Variants in POFUT2 observed in about 807,000 individuals in gnomAD.
POFUT2 encodes GDP-fucose protein O-fucosyltransferase 2.
POFUT2 carries 30 observed loss-of-function variants against 55.0 expected under a neutral mutation model. The observed-to-expected ratio is 0.55, with a 90% confidence interval of 0.41 to 0.74. POFUT2 has a LOEUF of 0.74. POFUT2 is among the 30% of genes least tolerant of loss of function. The pLI is 0.00. For synonymous variants in POFUT2, 267 were observed against 231.1 expected (o/e 1.16, Z -1.41); for missense variants, 524 against 562.6 (o/e 0.93, Z 0.69).
At chr21:45,287,676 C>A in intron 1 of POFUT2, 65 bp downstream of exon 1, 2 of 1,181,532 alleles carry the variant, frequency 1.7e-6, no homozygotes, top group Non-Finnish European at 2.2e-6. Flanking sequence ...GCCCCGCCCC[C>A]ATCCCATCCT....
chr21:45,280,949 A>T (rs1453162574), intron 4 of POFUT2, among the ~76,000 whole-genome samples: 2 of 152,234 alleles, frequency 1.3e-5, no homozygotes, highest in African/African-American at 4.8e-5. Context: ...TTTTAAAGTA[A>T]CTGGCTTTAC....
chr21:45,286,774 C>T (rs1367553833), intron 1 of POFUT2, among the ~76,000 whole-genome samples: 1 of 152,260 alleles, frequency 6.6e-6, no homozygotes, highest in Non-Finnish European at 1.5e-5. Flanking sequence ...TCCATACTCC[C>T]ATCGTCGCGA....
Position 45,265,361 on chromosome 21 carries a change from C to A in POFUT2, c.*121G>T. ...GTGGGGCCTCTTCTGGGCCTGGGACCCTGCGAGGGACGGTCCTGTCCGCCC... is the reference window on the plus strand; with the variant it reads ...GTGGGGCCTCTTCTGGGCCTGGGACACTGCGAGGGACGGTCCTGTCCGCCC... On this transcript the variant is annotated 3_prime_UTR_variant, in exon 9 of 9. Coordinates refer to ENST00000349485, the MANE Select transcript of POFUT2 (RefSeq NM_133635.6). The surrounding 1 kb of genome is among the most constrained non-coding windows in gnomAD (Gnocchi z 4.6). 1 of 878,204 alleles carries A rather than the reference C, an allele frequency of 1.1e-6. No individual in the cohort carries two copies. The highest frequency in any genetic ancestry group is 1.7e-6 in the Non-Finnish European group (1 of 575,692). 54.4% of individuals were successfully genotyped at this position (878,204 alleles called of 1,614,324 possible).
rs2029905230 is a variant in POFUT2 at position 45,277,272 on chromosome 21, G to A, written c.706-130C>T. 4.8e-6 allele frequency: 6 copies of A among 1,245,872 alleles called. No homozygotes were observed. Among genetic ancestry groups the A allele is most frequent in the Non-Finnish European group, 6.6e-6 (6 of 912,632 alleles). 77.2% of individuals were successfully genotyped at this position (1,245,872 alleles called of 1,614,324 possible). A position where few individuals can be genotyped will look rare whatever the true frequency, so the allele number is the denominator to read the frequency against. On this transcript the variant is annotated intron_variant, in intron 5 of 8. Coordinates refer to ENST00000349485, the MANE Select transcript of POFUT2 (RefSeq NM_133635.6). This position sits in a 1 kb window ranked among gnomAD's most constrained non-coding sequence, Gnocchi z 6.9. ...CAAGCCCCTCAGACACGTCATCCAC[G>A]GTCGCCTGAGAAGCAGCGCCATCCA...
Position 45,283,579 on chromosome 21 carries a change from TTAC to T in POFUT2, c.383-55_383-53del, listed in dbSNP as rs775841505. 2.5e-6 allele frequency: 4 copies of T among 1,593,346 alleles called. No homozygotes were observed. In the South Asian group the frequency reaches 3.3e-5, roughly 13 times the overall value. ...AGTGTGACAGCGATCAGAAGCTCAC[TTAC>T]GGGCATGCATCAGTCACCAGCAGCT... On this transcript the variant is annotated intron_variant, in intron 2 of 8. Transcript: ENST00000349485.
In POFUT2 at chr21:45,281,487, C is replaced by T; in HGVS notation, c.638+862G>A. On this transcript the variant is annotated intron_variant, in intron 4 of 8. Coordinates refer to ENST00000349485, the MANE Select transcript of POFUT2 (RefSeq NM_133635.6). The surrounding 1 kb of genome is among the most constrained non-coding windows in gnomAD (Gnocchi z 5.0). ...GGCCTGTGATGGAGCCACCTGCCTT[C>T]ACAAAGGCCCAGAGCAGCTGAGACC... 6.6e-6 allele frequency among the ~76,000 whole-genome samples: 1 copy of T among 152,172 alleles called. No homozygotes were observed. The highest frequency in any genetic ancestry group is 1.5e-5 in the Non-Finnish European group (1 of 68,028).
rs1015002743 is a variant in POFUT2, at chr21:45,277,817, G to A, written c.705+286C>T. 4.2e-5 allele frequency: 21 copies of A among 494,294 alleles called. No individual in the cohort carries two copies. The highest frequency in any genetic ancestry group is 1.7e-4 in the Admixed American group (5 of 28,674). The allele number at this position is 494,294 out of a possible 1,614,324, so 30.6% of individuals were successfully genotyped here. A position where few individuals can be genotyped will look rare whatever the true frequency, so the allele number is the denominator to read the frequency against. On this transcript the variant is annotated intron_variant, in intron 5 of 8. Coordinates refer to ENST00000349485, the MANE Select transcript of POFUT2 (RefSeq NM_133635.6). The surrounding 1 kb of genome is among the most constrained non-coding windows in gnomAD (Gnocchi z 6.9). ...AGGGGTCTACGTTCCAGCCACTGAC[G>A]GAGTCACTGACTCCGGGGCTGACTC...
intron 7 of POFUT2, among the ~76,000 whole-genome samples, chr21:45,268,141 G>C (rs938725636): frequency 1.7e-4 from 26 of 152,222 alleles, no homozygotes; most frequent in Admixed American, 1.4e-3. Flanking sequence ...TTGCAGGCAC[G>C]CGCCACCACG....
rs2031009083 is a variant in POFUT2 at position 45,283,460 on chromosome 21, C to A, written c.450G>T (p.Gly150=). Residue 150 remains glycine, a synonymous_variant, in exon 3 of 9, where the codon GGG becomes GGT. Coordinates refer to ENST00000349485, the MANE Select transcript of POFUT2 (RefSeq NM_133635.6). ...GCTCGTCCACCTTCTCTTCCCAGGT[C>A]CCTTCTTTCCACCCCTCTGCGTAAC... ...LQSYAEGWKE[G]TWEEKVDERP... 1 of 1,613,802 alleles carries A rather than the reference C, an allele frequency of 6.2e-7. No homozygotes were observed. Among genetic ancestry groups the A allele is most frequent in the Admixed American group, 1.7e-5 (1 of 59,986 alleles).
chr21:45,266,181 C>T (rs369518397), intron 8 of POFUT2: 17 of 1,367,322 alleles, frequency 1.2e-5, no homozygotes, highest in East Asian at 9.1e-5. Context: ...CCCGTTCCTC[C>T]GGCTCCTGCG....
chr21:45,270,658 G>T lies in POFUT2; in HGVS notation c.832-639C>A, dbSNP rs372184484. 2.0e-5 allele frequency among the ~76,000 whole-genome samples: 3 copies of T among 152,096 alleles called. No individual in the cohort carries two copies. Among genetic ancestry groups the T allele is most frequent in the Non-Finnish European group, 4.4e-5 (3 of 68,016 alleles). On this transcript the variant is annotated intron_variant, in intron 6 of 8. Transcript: ENST00000349485. This position sits in a 1 kb window ranked among gnomAD's most constrained non-coding sequence, Gnocchi z 4.6. Reference sequence around the variant, plus strand: ...CCCCCAGAGTCCACTTCACTCCCCCGCCACCTCCAGCAGAGCAGGTGCTGG... The same window carrying T: ...CCCCCAGAGTCCACTTCACTCCCCCTCCACCTCCAGCAGAGCAGGTGCTGG...
Position 45,285,470 on chromosome 21 carries a change from A to G in POFUT2, c.382+208T>C. On this transcript the variant is annotated intron_variant, in intron 2 of 8. Transcript: ENST00000349485. This position sits in a 1 kb window ranked among gnomAD's most constrained non-coding sequence, Gnocchi z 4.9. ...CACTTCAGGTCCATTTCCGAGAAAC[A>G]TTTTGGGAAGCTCACTGCAGCGTGG... 1 of 657,030 alleles carries G rather than the reference A, an allele frequency of 1.5e-6. No individual in the cohort carries two copies. Among genetic ancestry groups the G allele is most frequent in the Non-Finnish European group, 2.8e-6 (1 of 361,924 alleles). 40.7% of individuals were successfully genotyped at this position (657,030 alleles called of 1,614,324 possible).
chr21:45,283,283 A>G (rs1602225956), intron 3 of POFUT2, 100 bp downstream of exon 3: 3 of 402,526 alleles, frequency 7.5e-6, no homozygotes, highest in Non-Finnish European at 8.5e-6. Flanking sequence ...GGTGGTGGGG[A>G]GGAGTGGGCG....
chr21:45,270,038 G>A lies in POFUT2; in HGVS notation c.832-19C>T, dbSNP rs750319988. The A allele has an allele frequency of 6.6e-7, 1 of 1,513,548 alleles. No homozygotes were observed. The highest frequency in any genetic ancestry group is 8.8e-7 in the Non-Finnish European group (1 of 1,136,234). 93.8% of individuals were successfully genotyped at this position (1,513,548 alleles called of 1,614,324 possible). ...GCTTGACCTAGCAAAGAACCACAAG[G>A]AAATGCAGAAGCTGACAGGCGGGCT... On this transcript the variant is annotated intron_variant, in intron 6 of 8. Coordinates refer to ENST00000349485, the MANE Select transcript of POFUT2 (RefSeq NM_133635.6). This position sits in a 1 kb window ranked among gnomAD's most constrained non-coding sequence, Gnocchi z 4.6.
At chr21:45,279,492 A>G (rs1427198114) in intron 4 of POFUT2, among the ~76,000 whole-genome samples, 2 of 152,284 alleles carry the variant, frequency 1.3e-5, no homozygotes, top group Non-Finnish European at 2.9e-5. Flanking sequence ...ATAACATTTC[A>G]AAAGGCTTTT....
Position 45,267,342 on chromosome 21 carries a change from G to T in POFUT2, c.1136+248C>A. On this transcript the variant is annotated intron_variant, in intron 8 of 8. Coordinates refer to ENST00000349485, the MANE Select transcript of POFUT2 (RefSeq NM_133635.6). The surrounding 1 kb of genome is among the most constrained non-coding windows in gnomAD (Gnocchi z 4.4). ...AAGAAGAGGTTCTGAGACGAGGCCA[G>T]CTATGCCAACAGCCTGCTATGGAGG... The T allele has an allele frequency of 6.5e-7, 1 of 1,531,844 alleles. No individual in the cohort carries two copies. 94.9% of individuals were successfully genotyped at this position (1,531,844 alleles called of 1,614,324 possible).
chr21:45,280,843 TCCTGTATC>T (rs2030549335), intron 4 of POFUT2, among the ~76,000 whole-genome samples: 1 of 152,252 alleles, frequency 6.6e-6, no homozygotes. Context: ...GAGTTTCGTC[TCCTGTATC>T]CCAGAGAGTC....
chr21:45,271,928 C>T (rs570694256), intron 6 of POFUT2, among the ~76,000 whole-genome samples: 4 of 152,258 alleles, frequency 2.6e-5, no homozygotes, highest in South Asian at 2.1e-4. Context: ...CCTCAAAATA[C>T]GCCAAAATAG....
Position 45,269,832 on chromosome 21 carries a change from T to G in POFUT2, c.1012+7A>C. 1 of 1,598,230 alleles carries G rather than the reference T, an allele frequency of 6.3e-7. No homozygotes were observed. The highest frequency in any genetic ancestry group is 8.5e-7 in the Non-Finnish European group (1 of 1,175,494). On this transcript the variant is annotated splice_region_variant and intron_variant, in intron 7 of 8. Transcript: ENST00000349485. ...AGGAAAGAAACGAAAGCATTGAAGCTCCATACCCTTTCTGACGGCATCTGT... is the reference window on the plus strand; with the variant it reads ...AGGAAAGAAACGAAAGCATTGAAGCGCCATACCCTTTCTGACGGCATCTGT...
Sources: gnomAD v4.1 joint callset for allele counts (sites outside exome capture counted in the v4.1 genomes callset) on GRCh38, gnomAD v4.1.1 for gene constraint, Gnocchi (gnomAD v3.1) non-coding constraint, MANE v1.5 for transcripts, NCBI Gene and HGNC (gene_info 2026-07-23, HGNC 2026-07-21) for gene names.